Variants in AP3S2 observed in about 807,000 individuals in gnomAD.
AP3S2 encodes AP-3 complex subunit sigma-2.
A neutral mutation model predicts 23.4 loss-of-function variants in AP3S2; 22 were observed. The ratio of observed to expected loss-of-function variants is 0.94; its 90% CI spans 0.67 to 1.34. AP3S2 has a LOEUF of 1.34. AP3S2 is among the 40% of genes most tolerant of loss of function. AP3S2 has a pLI of 0.00. For missense variants in AP3S2, 241 were observed against 236.9 expected (o/e 1.02, Z -0.11); for synonymous variants, 86 against 87.1 (o/e 0.99, Z 0.07).
In AP3S2 at chr15:89,888,640, A is replaced by G; in HGVS notation, c.162-8T>C. The G allele has an allele frequency of 6.2e-7, 1 of 1,612,968 alleles. No individual in the cohort carries two copies. Among genetic ancestry groups the G allele is most frequent in the Non-Finnish European group, 8.5e-7 (1 of 1,179,092 alleles). ...TCAGAGCCACCAATCAAACTGCAGA[A>G]GATGGGAAACATTTAAATGCCCACA... On this transcript the variant is annotated splice_region_variant and splice_polypyrimidine_tract_variant and intron_variant, in intron 2 of 5. Transcript: ENST00000336418.
rs1896324492 is a variant in AP3S2 at position 89,871,784 on chromosome 15, A to G, written c.274-238T>C. Among the ~76,000 whole-genome samples, 3 of 152,302 alleles carry G rather than the reference A, an allele frequency of 2.0e-5. No individual in the cohort carries two copies. In the South Asian group the frequency reaches 6.2e-4, roughly 32 times the overall value. On this transcript the variant is annotated intron_variant, in intron 3 of 5. Transcript: ENST00000336418. ...TTTTCAGCATAGCAACACAACCAGCAGACACATGTGGCTCTTTCCCCCTTT... is the reference window on the plus strand; with the variant it reads ...TTTTCAGCATAGCAACACAACCAGCGGACACATGTGGCTCTTTCCCCCTTT...
intron 4 of AP3S2, among the ~76,000 whole-genome samples, chr15:89,849,683 T>TA (rs1895593203): frequency 3.3e-5 from 5 of 151,822 alleles, no homozygotes; most frequent in East Asian, 1.9e-4. Context: ...TTGTACTTTT[T>TA]TAAAAAAAAA....
At chr15:89,839,733 C>G (rs545091091) in intron 4 of AP3S2, among the ~76,000 whole-genome samples, 1 of 152,316 alleles carries the variant, frequency 6.6e-6, no homozygotes, top group East Asian at 1.9e-4. Context: ...CAGTATTATT[C>G]ACAACAGCCA....
In AP3S2 at chr15:89,888,612, T is replaced by C; in HGVS notation, c.182A>G (p.Tyr61Cys). 6.2e-7 allele frequency: 1 copy of C among 1,614,194 alleles called. No homozygotes were observed. The highest frequency in any genetic ancestry group is 1.6e-4 in the Middle Eastern group (1 of 6,062). ...AGCATAGTGCCGGTAGATCAGTTTG[T>C]AGTCAGAGCCACCAATCAAACTGCA... ...EGGSLIGGSDYKLIYRHYATL... is the reference protein window; with the variant it reads ...EGGSLIGGSDCKLIYRHYATL... Residue 61 changes from tyrosine to cysteine, a missense_variant, in exon 3 of 6, where the codon TAC (tyrosine) becomes TGC (cysteine). Tyr to Cys is a radical substitution (Grantham distance 194). Coordinates refer to ENST00000336418, the MANE Select transcript of AP3S2 (RefSeq NM_005829.5).
chr15:89,843,679 G>A (rs1895390240), intron 4 of AP3S2, among the ~76,000 whole-genome samples: 1 of 152,018 alleles, frequency 6.6e-6, no homozygotes, highest in Admixed American at 6.6e-5. Flanking sequence ...GAAGTGGCAT[G>A]TGCCTGTAAT....
At chr15:89,876,225 C>T (rs1896439362) in intron 3 of AP3S2, among the ~76,000 whole-genome samples, 1 of 152,014 alleles carries the variant, frequency 6.6e-6, no homozygotes, top group Non-Finnish European at 1.5e-5. Flanking sequence ...TTGAGACCAA[C>T]CTGGCCAACA....
At chr15:89,869,702 C>A (rs1896272638) in intron 4 of AP3S2, among the ~76,000 whole-genome samples, 1 of 151,904 alleles carries the variant, frequency 6.6e-6, no homozygotes, top group South Asian at 2.1e-4. Context: ...AAAGAACCCA[C>A]TTTGCACACT....
At chr15:89,872,745 G>T (rs1896350435) in intron 3 of AP3S2, among the ~76,000 whole-genome samples, 1 of 152,194 alleles carries the variant, frequency 6.6e-6, no homozygotes, top group South Asian at 2.1e-4. Flanking sequence ...AGGAACCAAC[G>T]CACACTATTG....
chr15:89,893,110 A>G (rs1896857371), intron 1 of AP3S2: 1 of 152,286 alleles, frequency 6.6e-6, no homozygotes, highest in African/African-American at 2.4e-5. Context: ...ACTTGTCAAC[A>G]GACGCAAGAG....
chr15:89,852,889 T>C (rs1596195362), intron 4 of AP3S2, among the ~76,000 whole-genome samples: 1 of 152,196 alleles, frequency 6.6e-6, no homozygotes, highest in East Asian at 1.9e-4. Context: ...CAAAAATAGT[T>C]CAGTATCACT....
In AP3S2 at chr15:89,830,798, A is replaced by T. The variant is rs1269580401; in HGVS notation, c.*4717T>A. On this transcript the variant is annotated 3_prime_UTR_variant, in exon 6 of 6. Transcript: ENST00000336418. ...AAAGGTACGCTGAGCAAGGGCGGGC[A>T]GTGCCAGGGCTGGGGTGCCACTGTA... 1 of 152,496 alleles carries T rather than the reference A, an allele frequency of 6.6e-6. No homozygotes were observed. Among genetic ancestry groups the T allele is most frequent in the Non-Finnish European group, 1.5e-5 (1 of 68,208 alleles). 9.4% of individuals were successfully genotyped at this position (152,496 alleles called of 1,614,324 possible). A position where few individuals can be genotyped will look rare whatever the true frequency, so the allele number is the denominator to read the frequency against.
In AP3S2 at chr15:89,844,466, T is replaced by C. The variant is rs562003994; in HGVS notation, c.346-6744A>G. Among the ~76,000 whole-genome samples the C allele has an allele frequency of 1.9e-4, 29 of 151,874 alleles. No homozygotes were observed. In the South Asian group the frequency reaches 5.6e-3, roughly 29 times the overall value. On this transcript the variant is annotated intron_variant, in intron 4 of 5. Transcript: ENST00000336418. ...AATCCTCCTGCCTCAGTCTCATGAG[T>C]AGCTGGGCCTATAGGCATGTGCCAC... is the stretch of plus-strand genomic sequence containing the variant.
intron 3 of AP3S2, among the ~76,000 whole-genome samples, chr15:89,884,750 G>A (rs1355649020): frequency 1.3e-5 from 2 of 151,432 alleles, no homozygotes; most frequent in Admixed American, 6.6e-5. Context: ...CAGCTCAAGC[G>A]ATTCTTCTGC....
intron 4 of AP3S2, among the ~76,000 whole-genome samples, chr15:89,856,278 C>T (rs974756032): frequency 2.6e-5 from 4 of 152,172 alleles, no homozygotes; most frequent in Non-Finnish European, 5.9e-5. Flanking sequence ...AAAAATGGGC[C>T]TTGGCTGGGT....
intron 4 of AP3S2, chr15:89,845,731 G>A (rs968202246): frequency 3.3e-5 from 5 of 152,148 alleles, no homozygotes; most frequent in African/African-American, 1.2e-4. Context: ...CGTGAGTCAT[G>A]TAAATGGTAT....
intron 4 of AP3S2, among the ~76,000 whole-genome samples, chr15:89,849,558 G>A (rs936639301): frequency 1.2e-4 from 18 of 151,688 alleles, no homozygotes; most frequent in Non-Finnish European, 2.5e-4. Context: ...AGTAGAGACG[G>A]GGGTTTCACT....
chr15:89,840,128 G>A (rs1220951804), intron 4 of AP3S2, among the ~76,000 whole-genome samples: 1 of 152,172 alleles, frequency 6.6e-6, no homozygotes, highest in African/African-American at 2.4e-5. Flanking sequence ...CTCTGGAGAC[G>A]GATGGTGGTG....
At chr15:89,850,299 A>T (rs1264412835) in intron 4 of AP3S2, among the ~76,000 whole-genome samples, 1 of 152,054 alleles carries the variant, frequency 6.6e-6, no homozygotes, top group Non-Finnish European at 1.5e-5. Flanking sequence ...CTAGCCATTG[A>T]TTTCTTTCTC....
In AP3S2 at chr15:89,835,511, A is replaced by G. The variant is rs1596183165; in HGVS notation, c.*4T>C. 6.2e-7 allele frequency: 1 copy of G among 1,613,680 alleles called. No homozygotes were observed. The highest frequency in any genetic ancestry group is 1.3e-5 in the African/African-American group (1 of 74,904). On this transcript the variant is annotated 3_prime_UTR_variant, in exon 6 of 6. Transcript: ENST00000336418. ...GGACTCTATTTCAGGCCAATACTTG[A>G]TCCTCAGACAAACTGGGACAGGTTG...
Sources: gnomAD v4.1 joint callset for allele counts (sites outside exome capture counted in the v4.1 genomes callset) on GRCh38, gnomAD v4.1.1 for gene constraint, MANE v1.5 for transcripts, NCBI Gene and HGNC (gene_info 2026-07-23, HGNC 2026-07-21) for gene names.